CDH8: variants seen among roughly 807,000 people sequenced by gnomAD.
CDH8 encodes cadherin-8.
Under a neutral mutation model 68.1 loss-of-function variants are expected in CDH8, and 17 were observed. That is an observed-to-expected ratio of 0.25 (90% CI 0.17 to 0.37). The LOEUF is 0.37. CDH8 is among the 10% of genes least tolerant of loss of function. The pLI is 1.00. For synonymous variants in CDH8, 372 were observed against 365.1 expected, an observed-to-expected ratio of 1.02 and a Z score of -0.21; for missense variants, 763 against 999.3, an observed-to-expected ratio of 0.76 and a Z score of 3.19.
At chr16:61,843,858 A>G (rs1027821860) in intron 4 of CDH8, among the ~76,000 whole-genome samples, 3 of 152,034 alleles carry the variant, frequency 2.0e-5, no homozygotes, top group African/African-American at 7.2e-5. Context: ...AACAGTGTAA[A>G]AGTGTTCCTA....
intron 10 of CDH8, among the ~76,000 whole-genome samples, chr16:61,661,348 T>C (rs35768703): frequency 0.068 from 10,262 of 151,776 alleles, 545 homozygotes; most frequent in Admixed American, 0.11. Flanking sequence ...TGCTAGGCCA[T>C]AAAACAAACC....
At chr16:61,911,397 T>C (rs548989800) in intron 2 of CDH8, among the ~76,000 whole-genome samples, 1 of 152,234 alleles carries the variant, frequency 6.6e-6, no homozygotes, top group Non-Finnish European at 1.5e-5. Context: ...AACTAATAGA[T>C]GCACTGGTGA....
At chr16:61,671,342 C>T (rs1210553408) in intron 10 of CDH8, among the ~76,000 whole-genome samples, 5 of 151,704 alleles carry the variant, frequency 3.3e-5, no homozygotes, top group East Asian at 2.0e-4. Flanking sequence ...TGGATCAAGC[C>T]GTCAGAGGCT....
At chr16:61,720,931 C>A (rs1015038756) in intron 9 of CDH8, among the ~76,000 whole-genome samples, 1 of 150,434 alleles carries the variant, frequency 6.6e-6, no homozygotes, top group African/African-American at 2.4e-5. Context: ...AAATAAATAC[C>A]ACTGAAAATT....
At chr16:61,821,629 C>G (rs1962217090) in intron 5 of CDH8, among the ~76,000 whole-genome samples, 1 of 152,018 alleles carries the variant, frequency 6.6e-6, no homozygotes, top group African/African-American at 2.4e-5. Flanking sequence ...CTGCTGTGCC[C>G]TGCAGCAAGC....
intron 8 of CDH8, among the ~76,000 whole-genome samples, chr16:61,763,418 T>G (rs911548333): frequency 6.6e-6 from 1 of 152,186 alleles, no homozygotes; most frequent in South Asian, 2.1e-4. Flanking sequence ...AGTCTGCATG[T>G]TCTCTTCCTC....
chr16:61,830,384 T>C (rs965019924), intron 4 of CDH8, among the ~76,000 whole-genome samples: 3 of 151,834 alleles, frequency 2.0e-5, no homozygotes, highest in Admixed American at 2.0e-4. Context: ...GAACTGTGAA[T>C]GCTAAAAAGT....
At chr16:61,665,798 TCC>T (rs1295006762) in intron 10 of CDH8, among the ~76,000 whole-genome samples, 3 of 137,508 alleles carry the variant, frequency 2.2e-5, no homozygotes, top group African/African-American at 8.3e-5. Context: ...CTTCCTTCCT[TCC>T]TTCCTTTCCC....
chr16:61,972,849 C>T (rs915295465), intron 2 of CDH8, among the ~76,000 whole-genome samples: 3 of 152,196 alleles, frequency 2.0e-5, no homozygotes, highest in African/African-American at 4.8e-5. Flanking sequence ...AAGCAGTCTG[C>T]ATAATGATCT....
chr16:61,683,001 G>A (rs1964041837), intron 10 of CDH8, among the ~76,000 whole-genome samples: 1 of 152,016 alleles, frequency 6.6e-6, no homozygotes, highest in Admixed American at 6.6e-5. Flanking sequence ...AGAAATACAA[G>A]TGGAGGAAAT....
intron 8 of CDH8, among the ~76,000 whole-genome samples, chr16:61,727,712 A>G (rs1959415742): frequency 6.6e-6 from 1 of 151,126 alleles, no homozygotes; most frequent in African/African-American, 2.4e-5. Context: ...AAGATTAAAG[A>G]TGAAATATCA....
At chr16:61,815,884 C>T (rs191452422) in intron 7 of CDH8, among the ~76,000 whole-genome samples, 213 of 152,180 alleles carry the variant, frequency 1.4e-3, no homozygotes, top group African/African-American at 4.9e-3. Context: ...ATCATTGTCC[C>T]CATTAATGTC....
intron 7 of CDH8, among the ~76,000 whole-genome samples, chr16:61,815,424 A>G (rs1325689963): frequency 6.6e-6 from 1 of 152,182 alleles, no homozygotes; most frequent in African/African-American, 2.4e-5. Context: ...GTGCAACCAT[A>G]TGTGGACAAC....
chr16:61,685,853 T>G (rs2142815620), intron 10 of CDH8, among the ~76,000 whole-genome samples: 1 of 152,088 alleles, frequency 6.6e-6, no homozygotes, highest in African/African-American at 2.4e-5. Context: ...TGGCTCTAAA[T>G]CAAAGCACAA....
At chr16:61,821,152 C>A (rs927183475) in intron 5 of CDH8, 39 bp from the exon 6 acceptor site, 1 of 1,521,876 alleles carries the variant, frequency 6.6e-7, no homozygotes, top group South Asian at 1.2e-5. Flanking sequence ...CACACAAATT[C>A]CAACCATTCA....
intron 7 of CDH8, among the ~76,000 whole-genome samples, chr16:61,812,144 C>CAATA (rs1961966525): frequency 6.6e-6 from 1 of 152,126 alleles, no homozygotes; most frequent in Non-Finnish European, 1.5e-5. Context: ...GGGAATCAAT[C>CAATA]AATACACCAT....
chr16:61,833,261 C>T (rs550054783), intron 4 of CDH8, among the ~76,000 whole-genome samples: 1 of 151,276 alleles, frequency 6.6e-6, no homozygotes, highest in Non-Finnish European at 1.5e-5. Flanking sequence ...TATGCACACT[C>T]ATAGCTGTAA....
chr16:61,790,315 C>T (rs1961349780), intron 7 of CDH8, among the ~76,000 whole-genome samples: 1 of 151,968 alleles, frequency 6.6e-6, no homozygotes, highest in African/African-American at 2.4e-5. Flanking sequence ...ATTCTCACGA[C>T]ATTTATTAAT....
chr16:61,847,050 A>G (rs1445164529), intron 4 of CDH8, among the ~76,000 whole-genome samples: 6 of 152,166 alleles, frequency 3.9e-5, no homozygotes, highest in Non-Finnish European at 7.4e-5. Flanking sequence ...AAGTTTTTAG[A>G]AAGCATCCAT....
Sources: gnomAD v4.1 joint callset for allele counts (sites outside exome capture counted in the v4.1 genomes callset) on GRCh38, gnomAD v4.1.1 for gene constraint, MANE v1.5 for transcripts, NCBI Gene and HGNC (gene_info 2026-07-23, HGNC 2026-07-21) for gene names.